Variants in SYN3 observed in about 807,000 individuals in gnomAD.
SYN3 encodes the protein synapsin III, also known as synapsin-3.
A neutral mutation model predicts 65.8 loss-of-function variants in SYN3; 35 were observed. That is an observed-to-expected ratio of 0.53 (90% CI 0.41 to 0.70). The LOEUF is 0.70. SYN3 is among the 30% of genes least tolerant of loss of function. The probability of loss-of-function intolerance (pLI) is 0.00; values close to 1 mark genes in which losing one functional copy is unlikely to be tolerated. For missense variants in SYN3, 680 were observed against 749.0 expected (o/e 0.91, Z 1.08); for synonymous variants, 270 against 292.9 (o/e 0.92, Z 0.80).
Position 32,992,047 on chromosome 22 carries a change from G to A in SYN3, c.312-11345C>T, listed in dbSNP as rs762201058. On this transcript the variant is annotated intron_variant, in intron 2 of 13. Transcript: ENST00000358763. ...ATTGCTCAAGAAGACCCGTGCATCC[G>A]AGGGACTCTTTGGAAAAAAGGTCAC... Among the ~76,000 whole-genome samples the A allele has an allele frequency of 1.3e-4, 20 of 152,324 alleles. 1 individual carries two copies. The highest frequency in any genetic ancestry group is 3.9e-4 in the East Asian group (2 of 5,174).
intron 6 of SYN3, among the ~76,000 whole-genome samples, chr22:32,679,048 C>CTTTTTTTTTTTTTTTTTTTTTTT (rs145971116): frequency 1.2e-5 from 1 of 85,656 alleles, no homozygotes; most frequent in Admixed American, 1.5e-4. Flanking sequence ...TTGTTTCTTT[C>CTTTTTTTTTTTTTTTTTTTTTTT]TTTTTTTTTT....
chr22:32,738,850 C>T (rs1249486695), intron 6 of SYN3, among the ~76,000 whole-genome samples: 2 of 152,228 alleles, frequency 1.3e-5, no homozygotes, highest in African/African-American at 4.8e-5. Flanking sequence ...GTGAGGGAGG[C>T]CCTCCTGGAC....
chr22:32,575,295 C>T (rs1329165232), intron 7 of SYN3, among the ~76,000 whole-genome samples: 1 of 152,246 alleles, frequency 6.6e-6, no homozygotes, highest in African/African-American at 2.4e-5. Context: ...TTTGGAAGTC[C>T]TCTTTAACCC....
At chr22:32,597,956 C>T (rs777609905) in intron 6 of SYN3, among the ~76,000 whole-genome samples, 1 of 152,206 alleles carries the variant, frequency 6.6e-6, no homozygotes, top group Non-Finnish European at 1.5e-5. Context: ...CTGAGCTTTG[C>T]TTTCCCCCTT....
chr22:32,793,209 T>C (rs996234548), intron 6 of SYN3, among the ~76,000 whole-genome samples: 1 of 152,230 alleles, frequency 6.6e-6, no homozygotes, highest in Non-Finnish European at 1.5e-5. Flanking sequence ...TTATCTCTCA[T>C]GGGCCCAGCC....
intron 6 of SYN3, among the ~76,000 whole-genome samples, chr22:32,780,416 T>C (rs933937519): frequency 2.6e-5 from 4 of 152,176 alleles, no homozygotes; most frequent in East Asian, 1.9e-4. Context: ...AGGGCCTCTG[T>C]GCAGTGCGCT....
intron 5 of SYN3, among the ~76,000 whole-genome samples, chr22:32,867,990 G>A (rs1374663025): frequency 6.6e-6 from 1 of 152,200 alleles, no homozygotes; most frequent in African/African-American, 2.4e-5. Flanking sequence ...ATTAAATGTT[G>A]GGTGTTGGAG....
intron 6 of SYN3, among the ~76,000 whole-genome samples, chr22:32,614,523 C>T (rs2059488329): frequency 6.6e-6 from 1 of 152,152 alleles, no homozygotes; most frequent in East Asian, 1.9e-4. Flanking sequence ...CTTGAGTGGA[C>T]AGGGGGATGA....
chr22:32,541,339 C>T (rs115611208), intron 8 of SYN3, among the ~76,000 whole-genome samples: 2,245 of 152,336 alleles, frequency 0.015, 57 homozygotes, highest in African/African-American at 0.051. Context: ...ACATGCCAAG[C>T]ACCTTTCTTG....
chr22:32,969,505 C>G (rs911542018), intron 3 of SYN3, among the ~76,000 whole-genome samples: 1 of 152,114 alleles, frequency 6.6e-6, no homozygotes, highest in Non-Finnish European at 1.5e-5. Context: ...TTTTTGCTTG[C>G]TATTAAAACC....
At chr22:32,738,587 C>G (rs1176512699) in intron 6 of SYN3, among the ~76,000 whole-genome samples, 2 of 152,176 alleles carry the variant, frequency 1.3e-5, no homozygotes, top group Non-Finnish European at 2.9e-5. Flanking sequence ...GGAATGACAT[C>G]CTGGGCTCCC....
At chr22:32,665,505 ATATATG>A (rs1271749024) in intron 6 of SYN3, among the ~76,000 whole-genome samples, 6 of 144,498 alleles carry the variant, frequency 4.2e-5, no homozygotes, top group African/African-American at 1.4e-4. Context: ...ATATATATAT[ATATATG>A]TCTCACATAT....
intron 6 of SYN3, among the ~76,000 whole-genome samples, chr22:32,840,725 G>A (rs986890569): frequency 3.9e-5 from 6 of 152,106 alleles, no homozygotes; most frequent in Admixed American, 6.5e-5. Flanking sequence ...CTGCAGGATG[G>A]GCTGAGGCTC....
At chr22:32,684,419 A>G (rs79931412) in intron 6 of SYN3, among the ~76,000 whole-genome samples, 4,251 of 152,196 alleles carry the variant, frequency 0.028, 204 homozygotes, top group African/African-American at 0.096. Flanking sequence ...AAACAAAAAC[A>G]ATGACTTTCC....
intron 6 of SYN3, among the ~76,000 whole-genome samples, chr22:32,824,054 G>A (rs140949395): frequency 6.8e-4 from 104 of 152,104 alleles, no homozygotes; most frequent in African/African-American, 2.4e-3. Flanking sequence ...CAAGGGTGGC[G>A]GATCATGAGG....
chr22:32,995,666 G>GC (rs2052857607), intron 2 of SYN3, among the ~76,000 whole-genome samples: 1 of 150,868 alleles, frequency 6.6e-6, no homozygotes, highest in Non-Finnish European at 1.5e-5. Flanking sequence ...GACTGAAGCT[G>GC]CTTTTTTTTT....
At chr22:32,994,101 AC>A (rs925919137) in intron 2 of SYN3, among the ~76,000 whole-genome samples, 7 of 151,990 alleles carry the variant, frequency 4.6e-5, no homozygotes, top group Non-Finnish European at 1.0e-4. Flanking sequence ...TGTAGACCTC[AC>A]GGAGAGGGGT....
intron 3 of SYN3, among the ~76,000 whole-genome samples, chr22:32,959,689 C>T (rs113555940): frequency 5.3e-5 from 8 of 152,024 alleles, no homozygotes; most frequent in East Asian, 1.9e-4. Context: ...CGACCTACTG[C>T]GCTCAAGCAA....
At chr22:32,980,360 C>T (rs549016052) in intron 3 of SYN3, among the ~76,000 whole-genome samples, 1 of 152,332 alleles carries the variant, frequency 6.6e-6, no homozygotes, top group Admixed American at 6.5e-5. Flanking sequence ...TTGGGCTCCA[C>T]CTGCCCATTT....
Sources: allele counts gnomAD v4.1 joint callset (sites outside exome capture counted in the v4.1 genomes callset), GRCh38; gene constraint gnomAD v4.1.1; transcripts MANE v1.5; gene names NCBI Gene and HGNC (gene_info 2026-07-23, HGNC 2026-07-21).